The following SNX9 variants were observed in gnomAD, a reference collection of about 807,000 sequenced individuals.
SNX9 encodes sorting nexin-9.
SNX9 carries 44 observed loss-of-function variants against 89.4 expected under a neutral mutation model. The observed-to-expected ratio is 0.49, with a 90% confidence interval of 0.39 to 0.63. The LOEUF (loss-of-function observed/expected upper bound fraction) is 0.63, where lower values mean the gene tolerates loss of function less well. Ranked by LOEUF, SNX9 falls within the 30% of genes least tolerant of loss-of-function variation. The pLI is 0.00. For synonymous variants in SNX9, 236 were observed against 247.8 expected (o/e 0.95, Z 0.45); for missense variants, 578 against 736.1 (o/e 0.79, Z 2.49).
chr6:157,928,470 GCTAA>G (rs1050727593), intron 11 of SNX9, 125 bp from the exon 12 acceptor site: 123 of 688,066 alleles, frequency 1.8e-4, no homozygotes, highest in South Asian at 7.0e-4. Context: ...TGTATTTAAG[GCTAA>G]CTTAGTGAAA....
intron 1 of SNX9, among the ~76,000 whole-genome samples, chr6:157,859,903 A>G (rs1782084707): frequency 8.5e-6 from 1 of 117,814 alleles, no homozygotes; most frequent in Non-Finnish European, 1.7e-5. Context: ...TGATTTTTAC[A>G]TAATTTTGTT....
chr6:157,937,223 C>T (rs1195781032), intron 14 of SNX9, among the ~76,000 whole-genome samples: 6 of 152,200 alleles, frequency 3.9e-5, no homozygotes, highest in African/African-American at 1.2e-4. Flanking sequence ...TTAAAAATTA[C>T]ATGATGTTTT....
At chr6:157,841,942 C>A (rs1263091888) in intron 1 of SNX9, among the ~76,000 whole-genome samples, 1 of 152,174 alleles carries the variant, frequency 6.6e-6, no homozygotes, top group African/African-American at 2.4e-5. Flanking sequence ...TCATCACCCA[C>A]CTCCACAGTG....
chr6:157,927,260 C>A, intron 11 of SNX9, 46 bp downstream of exon 11: 1 of 1,371,246 alleles, frequency 7.3e-7, no homozygotes, highest in Non-Finnish European at 1.0e-6. Context: ...CCGCACCCTC[C>A]TCCTTTGGCC....
intron 16 of SNX9, among the ~76,000 whole-genome samples, chr6:157,940,482 A>G (rs1414328489): frequency 6.6e-6 from 1 of 152,208 alleles, no homozygotes; most frequent in African/African-American, 2.4e-5. Context: ...CAGTGGTGCA[A>G]TCCCGGCTCA....
intron 1 of SNX9, among the ~76,000 whole-genome samples, chr6:157,842,137 A>G (rs1168365877): frequency 1.3e-5 from 2 of 152,240 alleles, no homozygotes; most frequent in Non-Finnish European, 2.9e-5. Context: ...TAATATCTTC[A>G]AATATCCAGT....
chr6:157,899,792 A>C (rs1783055974), intron 5 of SNX9, among the ~76,000 whole-genome samples: 1 of 152,102 alleles, frequency 6.6e-6, no homozygotes, highest in South Asian at 2.1e-4. Flanking sequence ...AATTATCTAT[A>C]TTTGAGGTAT....
chr6:157,898,241 T>C (rs1402346645), intron 5 of SNX9, among the ~76,000 whole-genome samples: 1 of 152,214 alleles, frequency 6.6e-6, no homozygotes, highest in Non-Finnish European at 1.5e-5. Context: ...CTGGATTCAA[T>C]TGTAGATGGT....
chr6:157,874,146 C>T (rs1163996257), intron 3 of SNX9: 2 of 152,226 alleles, frequency 1.3e-5, no homozygotes, highest in African/African-American at 4.8e-5. Flanking sequence ...CTAAGGCCGT[C>T]CTTCTGTTGT....
chr6:157,936,446 C>T (rs926872703), intron 14 of SNX9, among the ~76,000 whole-genome samples: 3 of 152,122 alleles, frequency 2.0e-5, no homozygotes, highest in African/African-American at 7.2e-5. Flanking sequence ...GAAGTCAAGG[C>T]TGCAGTGAGC....
intron 4 of SNX9, among the ~76,000 whole-genome samples, chr6:157,875,876 C>T (rs1782508135): frequency 6.6e-6 from 1 of 152,098 alleles, no homozygotes. Context: ...CACAGTAGCT[C>T]ACGCCTGTAA....
At chr6:157,844,371 T>G (rs1194696456) in intron 1 of SNX9, among the ~76,000 whole-genome samples, 1 of 151,400 alleles carries the variant, frequency 6.6e-6, no homozygotes, top group Non-Finnish European at 1.5e-5. Context: ...TCACAGGGAG[T>G]CAAAGCTGTC....
At chr6:157,908,452 C>A (rs1489439058) in intron 7 of SNX9, among the ~76,000 whole-genome samples, 1 of 152,176 alleles carries the variant, frequency 6.6e-6, no homozygotes, top group Non-Finnish European at 1.5e-5. Flanking sequence ...ATAAGGACTT[C>A]TATTGCTCTG....
intron 9 of SNX9, among the ~76,000 whole-genome samples, chr6:157,919,381 C>T (rs1054472718): frequency 1.3e-5 from 2 of 152,028 alleles, no homozygotes; most frequent in East Asian, 1.9e-4. Flanking sequence ...TAATATTTTA[C>T]GTTTAAGTTT....
At chr6:157,890,593 G>A (rs1009143414) in intron 4 of SNX9, among the ~76,000 whole-genome samples, 2 of 152,110 alleles carry the variant, frequency 1.3e-5, no homozygotes, top group African/African-American at 2.4e-5. Flanking sequence ...AGATTTAAGC[G>A]TGTCCCAGAG....
At chr6:157,895,890 A>G (rs1475185143) in intron 4 of SNX9, among the ~76,000 whole-genome samples, 2 of 152,194 alleles carry the variant, frequency 1.3e-5, no homozygotes, top group African/African-American at 2.4e-5. Context: ...AGGTCCCAAA[A>G]CAAACTGATT....
intron 4 of SNX9, among the ~76,000 whole-genome samples, chr6:157,879,273 C>G (rs1210763611): frequency 6.6e-6 from 1 of 152,226 alleles, no homozygotes; most frequent in Non-Finnish European, 1.5e-5. Flanking sequence ...GGGGACTGAT[C>G]AGATGAACTA....
At chr6:157,883,080 A>G (rs1782659989) in intron 4 of SNX9, among the ~76,000 whole-genome samples, 1 of 152,108 alleles carries the variant, frequency 6.6e-6, no homozygotes, top group Non-Finnish European at 1.5e-5. Context: ...ACCTTCAGCA[A>G]CCACCACCCT....
rs1303592056 is a variant in SNX9 at position 157,892,468 on chromosome 6, G to A, written c.301-4359G>A. Among the ~76,000 whole-genome samples the A allele has an allele frequency of 4.0e-5, 6 of 150,414 alleles. No homozygotes were observed. In the East Asian group the frequency reaches 7.8e-4, roughly 19 times the overall value. On this transcript the variant is annotated intron_variant, in intron 4 of 17. Transcript: ENST00000392185. ...TGGGTTGAAACAAGATAAAGAGAGC[G>A]TTCCAGGAAAAAAAAAAACAAAACC... is the stretch of plus-strand genomic sequence containing the variant.
Sources: gnomAD v4.1 joint callset for allele counts (sites outside exome capture counted in the v4.1 genomes callset) on GRCh38, gnomAD v4.1.1 for gene constraint, MANE v1.5 for transcripts, NCBI Gene and HGNC (gene_info 2026-07-23, HGNC 2026-07-21) for gene names.